GON4L: variants seen among roughly 807,000 people sequenced by gnomAD.
GON4L encodes gon-4 like.
A neutral mutation model predicts 211.8 loss-of-function variants in GON4L; 87 were observed. The observed-to-expected ratio is 0.41, with a 90% CI of 0.35 to 0.49. The LOEUF (loss-of-function observed/expected upper bound fraction) is 0.49, where lower values mean the gene tolerates loss of function less well. GON4L is among the 20% of genes least tolerant of loss of function. The probability of loss-of-function intolerance (pLI) is 0.15; values close to 1 mark genes in which losing one functional copy is unlikely to be tolerated. For missense variants in GON4L, 2,155 were observed against 2,659.5 expected (o/e 0.81, Z 4.17); for synonymous variants, 875 against 962.6 (o/e 0.91, Z 1.68).
chr1:155,748,374 G>C (rs1359625707), downstream of GON4L: 17 of 1,593,130 alleles, frequency 1.1e-5, no homozygotes, highest in Non-Finnish European at 1.4e-5. Context: ...CCGAGGCCAA[G>C]TGCCCCTCTT....
intron 11 of GON4L, among the ~76,000 whole-genome samples, chr1:155,798,101 T>A (rs1307100760): frequency 1.4e-5 from 2 of 146,658 alleles, no homozygotes; most frequent in African/African-American, 5.0e-5. Flanking sequence ...ATATATTTTT[T>A]ATATAAATAT....
chr1:155,830,236 CA>C (rs1346290758), intron 2 of GON4L, among the ~76,000 whole-genome samples: 1 of 151,138 alleles, frequency 6.6e-6, no homozygotes, highest in Non-Finnish European at 1.5e-5. Flanking sequence ...AGGCATGAGC[CA>C]CGCACCCAGC....
chr1:155,809,571 A>G (rs1667491603), intron 10 of GON4L, among the ~76,000 whole-genome samples: 1 of 141,654 alleles, frequency 7.1e-6, no homozygotes, highest in Non-Finnish European at 1.5e-5. Flanking sequence ...ATACTTATAT[A>G]TACTTATAAA....
In GON4L at chr1:155,849,676, C is replaced by T. The variant is rs534615459; in HGVS notation, c.505+3600G>A. On this transcript the variant is annotated intron_variant, in intron 2 of 31. Coordinates refer to ENST00000368331, the MANE Select transcript of GON4L (RefSeq NM_001282860.2). The stretch of plus-strand genomic sequence containing the variant: ...GTAATCCCAGCTACTCGGGAGGCTA[C>T]GGCAGGAGAATTGCTTGAACCCATG... Among the ~76,000 whole-genome samples, 8 of 145,204 alleles carry T rather than the reference C, an allele frequency of 5.5e-5. No individual in the cohort carries two copies. In the South Asian group the frequency reaches 1.3e-3, roughly 24 times the overall value.
chr1:155,850,564 G>A (rs1671678743), intron 2 of GON4L, among the ~76,000 whole-genome samples: 1 of 152,126 alleles, frequency 6.6e-6, no homozygotes, highest in Non-Finnish European at 1.5e-5. Context: ...ATACCATCAA[G>A]ATTATTGCTA....
In GON4L at chr1:155,777,604, G is replaced by A. The variant is rs1441917681; in HGVS notation, c.2091+18C>T. ...AAAAAAAAAAATCCAATGTTAACAT[G>A]ACCAAGAAAAGTCCTACCTGCTGCA... On this transcript the variant is annotated intron_variant, in intron 15 of 31. Coordinates refer to ENST00000368331, the MANE Select transcript of GON4L (RefSeq NM_001282860.2). 1 of 1,586,084 alleles carries A rather than the reference G, an allele frequency of 6.3e-7. No individual in the cohort carries two copies. The highest frequency in any genetic ancestry group is 1.7e-5 in the Admixed American group (1 of 59,926).
chr1:155,839,760 ATTGT>A (rs1402437833), intron 2 of GON4L, among the ~76,000 whole-genome samples: 1 of 152,204 alleles, frequency 6.6e-6, no homozygotes, highest in African/African-American at 2.4e-5. Context: ...TATAAAAAGA[ATTGT>A]TTATGTGATT....
downstream of GON4L, chr1:155,749,313 C>T: frequency 1.9e-6 from 3 of 1,612,690 alleles, no homozygotes; most frequent in Non-Finnish European, 1.7e-6. Context: ...GTGGTTTTGG[C>T]TTTGTTATGG....
chr1:155,842,522 T>G (rs1455405646), intron 2 of GON4L, among the ~76,000 whole-genome samples: 2 of 63,908 alleles, frequency 3.1e-5, no homozygotes, highest in Non-Finnish European at 5.6e-5. Flanking sequence ...AGACTCCATC[T>G]CAAAAAAAAA....
At chr1:155,759,572 C>T (rs1253383863) in intron 24 of GON4L, among the ~76,000 whole-genome samples, 1 of 150,134 alleles carries the variant, frequency 6.7e-6, no homozygotes, top group Admixed American at 6.6e-5. Flanking sequence ...GAAACTCCAT[C>T]TCAAAAAAAA....
Position 155,757,915 on chromosome 1 carries a change from G to A in GON4L, c.5229C>T (p.Asp1743=). The change falls in exon 25 of 32, where the codon GAC becomes GAT. Residue 1743 remains aspartate, a synonymous_variant. Coordinates refer to ENST00000368331, the MANE Select transcript of GON4L (RefSeq NM_001282860.2). ...KIIKVLQGCA[D]CLPQEITELK... Reference sequence around the variant, plus strand: ...CCTCGGTGATCTCCTGGGGAAGGCAGTCTGCACAGCCTTGGAGGACCTTGA... The same window carrying A: ...CCTCGGTGATCTCCTGGGGAAGGCAATCTGCACAGCCTTGGAGGACCTTGA... The A allele has an allele frequency of 5.2e-6, 2 of 381,354 alleles. No homozygotes were observed. The highest frequency in any genetic ancestry group is 8.8e-6 in the Non-Finnish European group (2 of 226,322). 23.6% of individuals were successfully genotyped at this position (381,354 alleles called of 1,614,324 possible). A position where few individuals can be genotyped will look rare whatever the true frequency, so the allele number is the denominator to read the frequency against.
At chr1:155,851,035 A>G (rs1398773336) in intron 2 of GON4L, among the ~76,000 whole-genome samples, 1 of 111,726 alleles carries the variant, frequency 9.0e-6, no homozygotes, top group Non-Finnish European at 1.7e-5. Context: ...GCCTGGCAAC[A>G]GAGCGAGACT....
intron 2 of GON4L, among the ~76,000 whole-genome samples, chr1:155,827,584 G>A (rs951767249): frequency 4.6e-5 from 7 of 152,176 alleles, no homozygotes; most frequent in Admixed American, 4.6e-4. Context: ...ACTTGGGGGG[G>A]CTGAGCTGGG....
intron 2 of GON4L, among the ~76,000 whole-genome samples, chr1:155,830,618 G>A (rs559399865): frequency 6.6e-6 from 1 of 151,930 alleles, no homozygotes; most frequent in Admixed American, 6.6e-5. Context: ...ACAGGGTCTC[G>A]CTCTGTCCCC....
intron 27 of GON4L, among the ~76,000 whole-genome samples, chr1:155,755,755 T>A (rs1661104193): frequency 1.3e-5 from 2 of 152,120 alleles, no homozygotes; most frequent in South Asian, 4.1e-4. Context: ...AGCTCTCCCA[T>A]CTCTTCCAAT....
rs537702261 is a variant in GON4L, at chr1:155,810,449, T to G, written c.1452+3185A>C. Among the ~76,000 whole-genome samples, 99 of 152,088 alleles carry G rather than the reference T, an allele frequency of 6.5e-4. 1 individual carries two copies. The South Asian group carries it at 0.014, about 21-fold the overall frequency. ...AAGGCCAGGCATGGTGGCTCACGCC[T>G]GTAATCCTAGCACTTTGGGAGGCCA... On this transcript the variant is annotated intron_variant, in intron 10 of 31. Coordinates refer to ENST00000368331, the MANE Select transcript of GON4L (RefSeq NM_001282860.2).
At chr1:155,764,315 T>C (rs2101723180) in intron 21 of GON4L, 1 of 156,942 alleles carries the variant, frequency 6.4e-6, no homozygotes, top group East Asian at 1.9e-4. Flanking sequence ...ATGGAGTTTC[T>C]TCATGTTGGT....
At position 155,822,312 on chromosome 1, in the gene GON4L, C is replaced by T; in HGVS notation, c.862G>A (p.Ala288Thr). 2.5e-6 allele frequency: 4 copies of T among 1,614,038 alleles called. No individual in the cohort carries two copies. Among genetic ancestry groups the T allele is most frequent in the Non-Finnish European group, 2.5e-6 (3 of 1,179,900 alleles). The change falls in exon 4 of 32, where the codon GCA becomes ACA. Residue 288 changes from alanine (A) to threonine (T), a missense_variant. This residue lies in a region of GON4L where 551 missense variants were observed against 854.0 expected (regional missense o/e 0.65). Transcript: ENST00000368331. ...TGAAGGATGTTTCGGACATTGACTG[C>T]TGTTAGATTGTGCTGCTTGGCACCA... is the stretch of plus-strand genomic sequence containing the variant. ...EDGAKQHNLT[A>T]VNVRNILHEV...
chr1:155,751,947 C>T lies in GON4L; in HGVS notation c.6473+13G>A, dbSNP rs956591262. The T allele has an allele frequency of 6.2e-7, 1 of 1,612,316 alleles. No individual in the cohort carries two copies. The highest frequency in any genetic ancestry group is 1.3e-5 in the African/African-American group (1 of 74,914). Reference sequence around the variant, plus strand: ...TGCTCTTTTCCAAACACACGTCATCCACCCTTACCTACCTTGTCCACAGGA... The same window carrying T: ...TGCTCTTTTCCAAACACACGTCATCTACCCTTACCTACCTTGTCCACAGGA... On this transcript the variant is annotated intron_variant, in intron 30 of 31. Coordinates refer to ENST00000368331, the MANE Select transcript of GON4L (RefSeq NM_001282860.2).
Sources: gnomAD v4.1 joint callset for allele counts (sites outside exome capture counted in the v4.1 genomes callset) on GRCh38, gnomAD v4.1.1 for gene constraint, gnomAD v4.1.1 regional missense constraint, MANE v1.5 for transcripts, NCBI Gene and HGNC (gene_info 2026-07-23, HGNC 2026-07-21) for gene names.